FAM184B: variants seen among roughly 807,000 people sequenced by gnomAD.
FAM184B encodes the protein family with sequence similarity 184 member B.
Under a neutral mutation model 135.9 loss-of-function variants are expected in FAM184B, and 111 were observed. The ratio of observed to expected loss-of-function variants is 0.82; its 90% CI spans 0.70 to 0.96. FAM184B has a LOEUF of 0.96. FAM184B is among the 40% of genes least tolerant of loss of function. The probability of loss-of-function intolerance (pLI) is 0.00; values close to 1 mark genes in which losing one functional copy is unlikely to be tolerated. For missense variants in FAM184B, 1,375 were observed against 1,323.9 expected (o/e 1.04, Z -0.60); for synonymous variants, 552 against 524.8 (o/e 1.05, Z -0.71).
chr4:17,633,746 G>C lies in FAM184B; in HGVS notation c.3032C>G (p.Pro1011Arg). 3 of 1,550,784 alleles carry C rather than the reference G, an allele frequency of 1.9e-6. No individual in the cohort carries two copies. The highest frequency in any genetic ancestry group is 8.7e-7 in the Non-Finnish European group (1 of 1,146,620). ...ITTSPSLDPS[P>R]SCGRTYKPNQ... The stretch of plus-strand genomic sequence containing the variant: ...GGGTTTGTAGGTCCGGCCACAGCTG[G>C]GGCTTGGGTCCAAGCTGGGTGATGT... Residue 1011 changes from proline (P) to arginine (R), a missense_variant, in exon 17 of 18, where the codon CCC (proline) becomes CGC (arginine). By Grantham distance (103) the Pro-to-Arg change is moderately radical. Transcript: ENST00000265018.
chr4:17,686,723 C>A (rs1716598973), intron 7 of FAM184B, among the ~76,000 whole-genome samples: 1 of 152,208 alleles, frequency 6.6e-6, no homozygotes, highest in East Asian at 1.9e-4. Context: ...AGGAGGATCA[C>A]CTGAGGTCAG....
At chr4:17,708,812 T>A in intron 2 of FAM184B, 80 bp downstream of exon 2, 1 of 1,416,198 alleles carries the variant, frequency 7.1e-7, no homozygotes, top group Non-Finnish European at 9.3e-7. Context: ...CTTAGCACAG[T>A]GCCTGATCTA....
At chr4:17,653,050 G>A (rs1715671043) in intron 10 of FAM184B, 67 bp from the exon 11 acceptor site, 8 of 1,457,580 alleles carry the variant, frequency 5.5e-6, no homozygotes, top group Non-Finnish European at 7.5e-6. Context: ...TGACTCCTTT[G>A]CCAAGCTCTT....
intron 6 of FAM184B, among the ~76,000 whole-genome samples, chr4:17,692,349 C>G (rs1716758379): frequency 6.6e-6 from 1 of 152,180 alleles, no homozygotes; most frequent in Non-Finnish European, 1.5e-5. Context: ...CACCAAGACC[C>G]ACCTCTAGAC....
At chr4:17,758,871 TAA>T (rs879795890) in intron 1 of FAM184B, among the ~76,000 whole-genome samples, 2 of 138,364 alleles carry the variant, frequency 1.4e-5, no homozygotes, top group Non-Finnish European at 1.6e-5. Flanking sequence ...ATTTAGGGGG[TAA>T]AAAAAAAAAA....
rs567389168 is a variant in FAM184B at position 17,705,033 on chromosome 4, C to T, written c.1344G>A (p.Ser448=). Residue 448 remains serine, a synonymous_variant, in exon 5 of 18, where the codon TCG becomes TCA. Coordinates refer to ENST00000265018, the MANE Select transcript of FAM184B (RefSeq NM_015688.2). ...KHTVEIKSVR[S]SVEAERKKLQ... ...GTTTCTTTCTTTCAGCCTCCACGGA[C>T]GAGCGAACGGATTTGATTTCCACGG... is the stretch of plus-strand genomic sequence containing the variant. The T allele has an allele frequency of 3.5e-5, 54 of 1,551,754 alleles. 1 individual carries two copies. Among genetic ancestry groups the T allele is most frequent in the South Asian group, 2.7e-4 (23 of 84,064 alleles).
Position 17,746,360 on chromosome 4 carries a change from A to T in FAM184B, c.141+34799T>A, listed in dbSNP as rs190026025. On this transcript the variant is annotated intron_variant, in intron 1 of 17. Coordinates refer to ENST00000265018, the MANE Select transcript of FAM184B (RefSeq NM_015688.2). ...GGCTGAAAACTCTACACATTATGTG[A>T]ATGAACCATCACTGTTTTAGCCAAT... 5.3e-5 allele frequency among the ~76,000 whole-genome samples: 8 copies of T among 152,292 alleles called. 1 individual carries two copies. Among genetic ancestry groups the T allele is most frequent in the Admixed American group, 5.2e-4 (8 of 15,292 alleles).
chr4:17,775,909 G>A (rs892819985), intron 1 of FAM184B, among the ~76,000 whole-genome samples: 2 of 152,314 alleles, frequency 1.3e-5, no homozygotes, highest in African/African-American at 4.8e-5. Context: ...TATCCTATTC[G>A]TGTGATGGTT....
At chr4:17,745,326 G>C (rs1317796785) in intron 1 of FAM184B, among the ~76,000 whole-genome samples, 1 of 152,190 alleles carries the variant, frequency 6.6e-6, no homozygotes, top group Non-Finnish European at 1.5e-5. Context: ...GTATAGTTGG[G>C]TGACAGCTTA....
chr4:17,660,245 G>T (rs1378581107), intron 8 of FAM184B, among the ~76,000 whole-genome samples, 158 bp from the exon 9 acceptor site: 1 of 152,104 alleles, frequency 6.6e-6, no homozygotes, highest in Admixed American at 6.6e-5. Flanking sequence ...AAAGCAACCT[G>T]CCATATAAAG....
In FAM184B at chr4:17,768,286, C is replaced by G. The variant is rs567098604; in HGVS notation, c.141+12873G>C. ...CCATAGTTTTCTGAACCCCACCCCCCCTTTTATTTGAGACGAAGTCTCTTG... is the reference window on the plus strand; with the variant it reads ...CCATAGTTTTCTGAACCCCACCCCCGCTTTTATTTGAGACGAAGTCTCTTG... On this transcript the variant is annotated intron_variant, in intron 1 of 17. Transcript: ENST00000265018. Among the ~76,000 whole-genome samples, 9 of 152,328 alleles carry G rather than the reference C, an allele frequency of 5.9e-5. 1 individual carries two copies. In the South Asian group the frequency reaches 8.3e-4, roughly 14 times the overall value.
At chr4:17,661,856 G>T (rs185734288) in intron 8 of FAM184B, among the ~76,000 whole-genome samples, 91 of 152,256 alleles carry the variant, frequency 6.0e-4, no homozygotes, top group Non-Finnish European at 1.1e-3. Flanking sequence ...TCAGGATAGG[G>T]CTCAGTTATT....
At chr4:17,717,613 G>A (rs916331529) in intron 1 of FAM184B, among the ~76,000 whole-genome samples, 5 of 152,130 alleles carry the variant, frequency 3.3e-5, no homozygotes, top group Non-Finnish European at 5.9e-5. Context: ...CTTCCTAAGA[G>A]TTTTAGAAAT....
chr4:17,728,105 T>C (rs987262817), intron 1 of FAM184B, among the ~76,000 whole-genome samples: 1 of 152,110 alleles, frequency 6.6e-6, no homozygotes, highest in Non-Finnish European at 1.5e-5. Flanking sequence ...AAGTGAGACC[T>C]TGTCTCTACA....
At chr4:17,651,481 T>TG (rs1715613833) in intron 11 of FAM184B, among the ~76,000 whole-genome samples, 1 of 125,410 alleles carries the variant, frequency 8.0e-6, no homozygotes, top group South Asian at 2.4e-4. Context: ...GAGCTTGCAG[T>TG]GAGCTGAGAT....
chr4:17,735,542 A>G (rs1168472680), intron 1 of FAM184B, among the ~76,000 whole-genome samples: 1 of 152,146 alleles, frequency 6.6e-6, no homozygotes, highest in Non-Finnish European at 1.5e-5. Context: ...TAAAAGGGAA[A>G]GATTTTCATG....
At chr4:17,687,368 A>G (rs1185309966) in intron 7 of FAM184B, among the ~76,000 whole-genome samples, 6 of 152,178 alleles carry the variant, frequency 3.9e-5, no homozygotes, top group Non-Finnish European at 5.9e-5. Flanking sequence ...TGAAACAGGA[A>G]TTAAGAGGGT....
At chr4:17,753,411 C>G (rs1292410850) in intron 1 of FAM184B, among the ~76,000 whole-genome samples, 1 of 152,078 alleles carries the variant, frequency 6.6e-6, no homozygotes, top group African/African-American at 2.4e-5. Flanking sequence ...TTTTATTGAA[C>G]AAAATGTTTT....
chr4:17,707,539 G>A (rs1370821423), intron 3 of FAM184B, 110 bp downstream of exon 3: 3 of 1,419,008 alleles, frequency 2.1e-6, no homozygotes, highest in Non-Finnish European at 2.9e-6. Flanking sequence ...AGATCAAGCA[G>A]CCCTGCCCCT....
Sources: allele counts gnomAD v4.1 joint callset (sites outside exome capture counted in the v4.1 genomes callset), GRCh38; gene constraint gnomAD v4.1.1; transcripts MANE v1.5; gene names NCBI Gene and HGNC (gene_info 2026-07-23, HGNC 2026-07-21).